ABCA13: variants seen among roughly 807,000 people sequenced by gnomAD.
ABCA13 encodes ATP-binding cassette sub-family A member 13.
A neutral mutation model predicts 478.7 loss-of-function variants in ABCA13; 476 were observed. The ratio of observed to expected loss-of-function variants is 0.99; its 90% confidence interval spans 0.92 to 1.07. The LOEUF (loss-of-function observed/expected upper bound fraction) is 1.07, where lower values mean the gene tolerates loss of function less well. Among genes scored for constraint, ABCA13 ranks in the 50% least tolerant of loss-of-function variants. The pLI is 0.00. For synonymous variants in ABCA13, 2,252 were observed against 2,158.9 expected, an observed-to-expected ratio of 1.04 and a Z score of -1.20; for missense variants, 6,060 against 5,910.6, an observed-to-expected ratio of 1.03 and a Z score of -0.83.
intron 55 of ABCA13, among the ~76,000 whole-genome samples, chr7:48,578,966 T>C (rs1788446237): frequency 6.6e-6 from 1 of 152,220 alleles, no homozygotes; most frequent in East Asian, 1.9e-4. Context: ...ACTTAACTTA[T>C]ACCTGTGACA....
chr7:48,463,551 T>C (rs1826506062), intron 43 of ABCA13, among the ~76,000 whole-genome samples: 1 of 152,176 alleles, frequency 6.6e-6, no homozygotes, highest in Admixed American at 6.5e-5. Context: ...CCCTGGATGC[T>C]CTGCTCCTGT....
At chr7:48,316,762 G>A (rs1218496508) in intron 26 of ABCA13, among the ~76,000 whole-genome samples, 1 of 152,206 alleles carries the variant, frequency 6.6e-6, no homozygotes, top group Admixed American at 6.5e-5. Flanking sequence ...CATGTGCAGA[G>A]ATCACAGGAC....
At chr7:48,308,634 C>T (rs1438562360) in intron 23 of ABCA13, among the ~76,000 whole-genome samples, 2 of 151,976 alleles carry the variant, frequency 1.3e-5, no homozygotes, top group East Asian at 3.9e-4. Context: ...TTTTCATCTC[C>T]ATTATAATCT....
chr7:48,257,710 T>C (rs939475231), intron 15 of ABCA13, among the ~76,000 whole-genome samples: 13 of 152,140 alleles, frequency 8.5e-5, no homozygotes, highest in Non-Finnish European at 1.5e-4. Context: ...TGATAGTATG[T>C]TGTTGAGGAT....
At chr7:48,263,385 A>T (rs1794450219) in intron 15 of ABCA13, among the ~76,000 whole-genome samples, 2 of 151,938 alleles carry the variant, frequency 1.3e-5, no homozygotes, top group African/African-American at 4.8e-5. Context: ...GGTTACTTAA[A>T]TTCATGGAGT....
rs562376603 is a variant in ABCA13, at chr7:48,303,322, G to A, written c.9321+4835G>A. Among the ~76,000 whole-genome samples the A allele has an allele frequency of 1.1e-4, 17 of 152,028 alleles. No individual in the cohort carries two copies. The South Asian group carries it at 2.3e-3, about 20-fold the overall frequency. ...CTGTTGATAGTTTCTTTTGCTGTGCGTAAGCTTTTTAGTTTAATTAGGTCC... is the reference window on the plus strand; with the variant it reads ...CTGTTGATAGTTTCTTTTGCTGTGCATAAGCTTTTTAGTTTAATTAGGTCC... On this transcript the variant is annotated intron_variant, in intron 23 of 61. Transcript: ENST00000435803.
chr7:48,520,047 C>A lies in ABCA13; in HGVS notation c.13804C>A (p.Gln4602Lys). Reference protein sequence around the residue: ...LAIISKAKNLQNIYDVLKWVF... With the variant: ...LAIISKAKNLKNIYDVLKWVF... ...TCTTTTTTTCACTGTGCAGAATTTA[C>A]AGAATATCTATGATGTCCTCAAGTG... The change falls in exon 53 of 62, where the codon CAG becomes AAG. Residue 4602 changes from glutamine to lysine, a missense_variant. This residue lies in a region of ABCA13 where 1,627 missense variants were observed against 1,571.0 expected (regional missense o/e 1.04). Transcript: ENST00000435803. 1 of 1,606,322 alleles carries A rather than the reference C, an allele frequency of 6.2e-7. No individual in the cohort carries two copies.
chr7:48,574,143 A>G (rs1477831239), intron 55 of ABCA13, among the ~76,000 whole-genome samples: 1 of 152,132 alleles, frequency 6.6e-6, no homozygotes, highest in African/African-American at 2.4e-5. Flanking sequence ...ATGGGACACG[A>G]TTCAACCCAT....
At chr7:48,414,267 C>A (rs1013920668) in intron 41 of ABCA13, among the ~76,000 whole-genome samples, 5 of 152,084 alleles carry the variant, frequency 3.3e-5, no homozygotes, top group Non-Finnish European at 5.9e-5. Flanking sequence ...CCGTGTTCTC[C>A]CCACCCGCCC....
chr7:48,580,581 A>T (rs1788614249), intron 56 of ABCA13, among the ~76,000 whole-genome samples: 1 of 152,260 alleles, frequency 6.6e-6, no homozygotes, highest in African/African-American at 2.4e-5. Flanking sequence ...TTTAAAAGGT[A>T]TCTGTGTGAG....
intron 53 of ABCA13, among the ~76,000 whole-genome samples, chr7:48,520,956 CT>C (rs1440702570): frequency 6.6e-6 from 1 of 152,130 alleles, no homozygotes; most frequent in Non-Finnish European, 1.5e-5. Flanking sequence ...TTTGCTGGAT[CT>C]TGTTGCTTAT....
intron 1 of ABCA13, among the ~76,000 whole-genome samples, chr7:48,176,367 A>T (rs1794876722): frequency 6.6e-6 from 1 of 152,168 alleles, no homozygotes; most frequent in East Asian, 1.9e-4. Context: ...TCTCCCAACC[A>T]TGGGCTGGAA....
chr7:48,245,704 T>A lies in ABCA13; in HGVS notation c.1491+92T>A. ...TCAGTTTTGCTCCTTTTGTGAATTG[T>A]GCTAGCTAAAAAAGGGAACAATATG... On this transcript the variant is annotated intron_variant, in intron 12 of 61. Transcript: ENST00000435803. 7 of 1,468,408 alleles carry A rather than the reference T, an allele frequency of 4.8e-6. No individual in the cohort carries two copies. In the South Asian group the frequency reaches 9.2e-5, roughly 19 times the overall value. 91.0% of individuals were successfully genotyped at this position (1,468,408 alleles called of 1,614,324 possible).
At chr7:48,434,723 A>G (rs1314096980) in intron 42 of ABCA13, among the ~76,000 whole-genome samples, 1 of 151,952 alleles carries the variant, frequency 6.6e-6, no homozygotes, top group Non-Finnish European at 1.5e-5. Context: ...ATTCTCTTGC[A>G]TATGGATATC....
At chr7:48,434,257 G>T (rs2362304) in intron 42 of ABCA13, among the ~76,000 whole-genome samples, 45,166 of 151,620 alleles carry the variant, frequency 0.3, 6,805 homozygotes, top group East Asian at 0.38. Flanking sequence ...ATTTCCCTAA[G>T]GACTAGTAAT....
intron 41 of ABCA13, among the ~76,000 whole-genome samples, chr7:48,423,773 G>A (rs1351419420): frequency 2.0e-5 from 3 of 152,160 alleles, no homozygotes; most frequent in Non-Finnish European, 4.4e-5. Context: ...GCTAGTTAGT[G>A]TCCTTTAGAC....
At chr7:48,256,055 A>C (rs1447202582) in intron 15 of ABCA13, among the ~76,000 whole-genome samples, 4 of 151,524 alleles carry the variant, frequency 2.6e-5, no homozygotes, top group African/African-American at 4.8e-5. Context: ...TCTCTAATGC[A>C]GTGGAGTATT....
chr7:48,601,537 G>A (rs537832940), intron 58 of ABCA13, among the ~76,000 whole-genome samples: 83 of 152,248 alleles, frequency 5.5e-4, no homozygotes, highest in African/African-American at 2.0e-3. Context: ...CCATGTCCCT[G>A]CAAGGGACAT....
intron 45 of ABCA13, among the ~76,000 whole-genome samples, chr7:48,475,458 AT>A (rs398047655): frequency 0.014 from 1,367 of 100,454 alleles, 6 homozygotes; most frequent in African/African-American, 0.038. Flanking sequence ...TGTCAATTTA[AT>A]TTTTTTTTTT....
Sources: gnomAD v4.1 joint callset for allele counts (sites outside exome capture counted in the v4.1 genomes callset) on GRCh38, gnomAD v4.1.1 for gene constraint, gnomAD v4.1.1 regional missense constraint, MANE v1.5 for transcripts, NCBI Gene and HGNC (gene_info 2026-07-23, HGNC 2026-07-21) for gene names.